Variants in DLGAP2 observed in about 807,000 individuals in gnomAD.
DLGAP2 encodes the protein DLG associated protein 2.
A neutral mutation model predicts 100.3 loss-of-function variants in DLGAP2; 26 were observed. The observed-to-expected ratio is 0.26, with a 90% CI of 0.19 to 0.36. The LOEUF (loss-of-function observed/expected upper bound fraction) is 0.36, where lower values mean the gene tolerates loss of function less well. Ranked by LOEUF, DLGAP2 falls within the 10% of genes least tolerant of loss-of-function variation. The pLI is 1.00. For missense variants in DLGAP2, 1,858 were observed against 1,453.2 expected (o/e 1.28, Z -4.53); for synonymous variants, 886 against 630.1 (o/e 1.41, Z -6.08).
chr8:1,389,930 G>A (rs902018212), intron 3 of DLGAP2, among the ~76,000 whole-genome samples: 2 of 151,990 alleles, frequency 1.3e-5, no homozygotes, highest in Admixed American at 1.3e-4. Context: ...GGGCCGCGGA[G>A]CACCCAGCTC....
intron 8 of DLGAP2, among the ~76,000 whole-genome samples, chr8:1,657,900 G>C (rs1798319733): frequency 6.6e-6 from 1 of 152,174 alleles, no homozygotes; most frequent in East Asian, 1.9e-4. Context: ...TTACGACATG[G>C]ACACATGGTT....
intron 1 of DLGAP2, among the ~76,000 whole-genome samples, chr8:802,892 C>T (rs1427163204): frequency 2.0e-5 from 3 of 152,124 alleles, no homozygotes; most frequent in Non-Finnish European, 4.4e-5. Context: ...GTGGACAGTG[C>T]TGTGTCCAGG....
At chr8:1,274,621 G>A (rs1392504857) in intron 3 of DLGAP2, among the ~76,000 whole-genome samples, 4 of 148,122 alleles carry the variant, frequency 2.7e-5, no homozygotes, top group Admixed American at 2.7e-4. Context: ...GAGTGACTTT[G>A]GATTTGTTTT....
chr8:1,439,234 G>A (rs533221996), intron 3 of DLGAP2, among the ~76,000 whole-genome samples: 151 of 152,286 alleles, frequency 9.9e-4, no homozygotes, highest in Non-Finnish European at 1.6e-3. Flanking sequence ...GGTCACCGGC[G>A]CCAGGACTGA....
At chr8:1,162,030 G>A (rs1477104794) in intron 2 of DLGAP2, among the ~76,000 whole-genome samples, 1 of 152,210 alleles carries the variant, frequency 6.6e-6, no homozygotes, top group Non-Finnish European at 1.5e-5. Context: ...CTGGACCAGC[G>A]GCCTGTGAGG....
At chr8:1,694,705 C>T (rs1396906864) in intron 13 of DLGAP2, among the ~76,000 whole-genome samples, 3 of 152,126 alleles carry the variant, frequency 2.0e-5, no homozygotes, top group Non-Finnish European at 4.4e-5. Flanking sequence ...AGAGCTGCCC[C>T]AGGCCACACG....
intron 2 of DLGAP2, among the ~76,000 whole-genome samples, chr8:1,092,280 C>G (rs986749178): frequency 1.3e-5 from 2 of 152,226 alleles, no homozygotes; most frequent in African/African-American, 4.8e-5. Context: ...CCTGGCATTT[C>G]CACTGTGCCG....
At chr8:1,330,833 G>GTGGGAGCA (rs1257645736) in intron 3 of DLGAP2, among the ~76,000 whole-genome samples, 1 of 145,754 alleles carries the variant, frequency 6.9e-6, no homozygotes, top group Non-Finnish European at 1.5e-5. Context: ...TGAGTTCTGG[G>GTGGGAGCA]TGGGAGCACA....
intron 6 of DLGAP2, among the ~76,000 whole-genome samples, chr8:1,570,323 T>A (rs887649079): frequency 1.3e-5 from 2 of 152,246 alleles, no homozygotes; most frequent in Non-Finnish European, 1.5e-5. Context: ...GCTGGCACCA[T>A]GATGTCGTCT....
intron 2 of DLGAP2, among the ~76,000 whole-genome samples, chr8:963,151 G>T (rs975018989): frequency 1.8e-4 from 27 of 152,198 alleles, no homozygotes; most frequent in African/African-American, 6.5e-4. Context: ...TGTGTCGAAG[G>T]AGAGTCCACA....
At chr8:1,647,152 A>G (rs529156906) in intron 8 of DLGAP2, among the ~76,000 whole-genome samples, 1 of 152,328 alleles carries the variant, frequency 6.6e-6, no homozygotes, top group South Asian at 2.1e-4. Flanking sequence ...AGACTAGTGC[A>G]GACAGTCCCC....
chr8:1,268,914 C>G (rs972107745), intron 3 of DLGAP2, among the ~76,000 whole-genome samples: 1 of 152,180 alleles, frequency 6.6e-6, no homozygotes, highest in African/African-American at 2.4e-5. Context: ...GGCAGAATGA[C>G]ATGGCCAGAG....
intron 2 of DLGAP2, among the ~76,000 whole-genome samples, chr8:1,232,404 C>T (rs1414530966): frequency 2.6e-4 from 39 of 152,192 alleles, no homozygotes; most frequent in Non-Finnish European, 1.5e-5. Flanking sequence ...AGGTCTCTGC[C>T]CCATCCCTTT....
chr8:1,457,175 T>C (rs943431099), intron 3 of DLGAP2, among the ~76,000 whole-genome samples: 12 of 152,218 alleles, frequency 7.9e-5, no homozygotes, highest in African/African-American at 2.9e-4. Flanking sequence ...GGAGTAGGCC[T>C]TTTGTGTATT....
In DLGAP2 at chr8:1,176,608, C is replaced by T. The variant is rs527351132; in HGVS notation, c.74-82243C>T. ...TCTCAATCCAGTGCACGACAGGGGT[C>T]GTGTTTCCTTGTGGGGTTGACGGGG... is the stretch of plus-strand genomic sequence containing the variant. On this transcript the variant is annotated intron_variant, in intron 2 of 14. Transcript: ENST00000637795. Among the ~76,000 whole-genome samples, 322 of 110,260 alleles carry T rather than the reference C, an allele frequency of 2.9e-3. 1 individual carries two copies. The highest frequency in any genetic ancestry group is 0.011 in the African/African-American group (307 of 29,202). The allele number at this position is 110,260 out of a possible 152,430, so 72.3% of individuals were successfully genotyped here. A position where few individuals can be genotyped will look rare whatever the true frequency, so the allele number is the denominator to read the frequency against.
intron 3 of DLGAP2, among the ~76,000 whole-genome samples, chr8:1,442,857 A>G (rs1797877321): frequency 6.6e-6 from 1 of 152,276 alleles, no homozygotes. Context: ...GGGTTTAGCC[A>G]CTGGGATTGT....
At chr8:748,319 G>A (rs1351113359) in intron 1 of DLGAP2, among the ~76,000 whole-genome samples, 1 of 151,966 alleles carries the variant, frequency 6.6e-6, no homozygotes, top group Non-Finnish European at 1.5e-5. Flanking sequence ...ACTCCGTGGT[G>A]GGATGGGCAG....
rs6992443 is a variant in DLGAP2 at position 1,701,772 on chromosome 8, T to A, written c.*366T>A. 25,620 of 263,102 alleles carry A rather than the reference T, an allele frequency of 0.097. 2,212 individuals carry two copies. Among genetic ancestry groups the A allele is most frequent in the African/African-American group, 0.27 (12,143 of 44,800 alleles). The allele number at this position is 263,102 out of a possible 1,614,324, so 16.3% of individuals were successfully genotyped here. On this transcript the variant is annotated 3_prime_UTR_variant, in exon 15 of 15. Coordinates refer to ENST00000637795, the MANE Select transcript of DLGAP2 (RefSeq NM_001346810.2). ...ATTTCTATTTTTATAAATTGTGTGA[T>A]AATTAGAGGTAAGAATAACAAGTAA...
intron 1 of DLGAP2, among the ~76,000 whole-genome samples, chr8:892,676 C>G (rs1219281783): frequency 6.6e-6 from 1 of 152,182 alleles, no homozygotes; most frequent in Non-Finnish European, 1.5e-5. Flanking sequence ...AAGCACAGTT[C>G]CGTTTCTGCT....
Sources: gnomAD v4.1 joint callset for allele counts (sites outside exome capture counted in the v4.1 genomes callset) on GRCh38, gnomAD v4.1.1 for gene constraint, MANE v1.5 for transcripts, NCBI Gene and HGNC (gene_info 2026-07-23, HGNC 2026-07-21) for gene names.